Variants in CSMD3 observed in about 807,000 individuals in gnomAD.
CSMD3 encodes the protein CUB and sushi domain-containing protein 3.
In CSMD3, 177 loss-of-function variants were observed where a neutral mutation model predicts 435.2. The observed-to-expected ratio is 0.41, with a 90% CI of 0.36 to 0.46. The LOEUF is 0.46. CSMD3 is among the 20% of genes least tolerant of loss of function. The pLI, the probability that CSMD3 is intolerant of heterozygous loss-of-function variation, is 0.34. For synonymous variants in CSMD3, 1,656 were observed against 1,520.5 expected, an observed-to-expected ratio of 1.09 and a Z score of -2.07; for missense variants, 4,265 against 4,504.6, an observed-to-expected ratio of 0.95 and a Z score of 1.52.
chr8:112,328,344 A>T (rs1823709175), intron 45 of CSMD3, among the ~76,000 whole-genome samples: 1 of 152,202 alleles, frequency 6.6e-6, no homozygotes, highest in Admixed American at 6.5e-5. Flanking sequence ...AATTGAAGAG[A>T]AGAAAACAAT....
intron 39 of CSMD3, 101 bp downstream of exon 39, chr8:112,352,315 C>G (rs1026094539): frequency 5.7e-6 from 9 of 1,572,118 alleles, no homozygotes; most frequent in Non-Finnish European, 7.8e-6. Flanking sequence ...AGACACAAAC[C>G]AGGATCAATG....
chr8:113,042,182 T>C (rs930760846), intron 5 of CSMD3, among the ~76,000 whole-genome samples: 1 of 152,184 alleles, frequency 6.6e-6, no homozygotes, highest in African/African-American at 2.4e-5. Flanking sequence ...ACTTGTTGAG[T>C]TGCTGAAAAA....
At chr8:113,025,998 G>A (rs192060385) in intron 5 of CSMD3, among the ~76,000 whole-genome samples, 9 of 152,248 alleles carry the variant, frequency 5.9e-5, no homozygotes, top group African/African-American at 2.2e-4. Context: ...TACAGCTATG[G>A]GTCTGGTACC....
At chr8:112,473,224 C>T (rs777896278) in intron 31 of CSMD3, among the ~76,000 whole-genome samples, 1 of 151,982 alleles carries the variant, frequency 6.6e-6, no homozygotes, top group Admixed American at 6.6e-5. Context: ...GTTGATTGTG[C>T]CTTGAGGCAG....
At chr8:112,483,780 T>C (rs1279293403) in intron 31 of CSMD3, among the ~76,000 whole-genome samples, 1 of 152,188 alleles carries the variant, frequency 6.6e-6, no homozygotes, top group Non-Finnish European at 1.5e-5. Flanking sequence ...ACTTTCTTAG[T>C]AGTTTGCCAA....
chr8:113,070,915 C>A (rs916924858), intron 5 of CSMD3, among the ~76,000 whole-genome samples: 2 of 151,994 alleles, frequency 1.3e-5, no homozygotes, highest in Non-Finnish European at 2.9e-5. Flanking sequence ...CCATAAAGAG[C>A]ATACCAATTT....
chr8:113,069,977 C>T (rs1483247072), intron 5 of CSMD3, among the ~76,000 whole-genome samples: 1 of 152,082 alleles, frequency 6.6e-6, no homozygotes. Flanking sequence ...CTGAGAAACA[C>T]ACCTTTGTTT....
intron 13 of CSMD3, among the ~76,000 whole-genome samples, chr8:112,785,388 T>C (rs1009106270): frequency 6.6e-6 from 1 of 151,894 alleles, no homozygotes; most frequent in African/African-American, 2.4e-5. Context: ...TTATTCAACA[T>C]AGTACCAGAA....
chr8:112,273,437 T>C (rs1322781987), intron 59 of CSMD3, among the ~76,000 whole-genome samples: 1 of 152,028 alleles, frequency 6.6e-6, no homozygotes, highest in Non-Finnish European at 1.5e-5. Flanking sequence ...TGCAAGTAGT[T>C]TAAAATTGAG....
chr8:113,371,618 G>A (rs899196920), intron 1 of CSMD3, among the ~76,000 whole-genome samples: 8 of 152,106 alleles, frequency 5.3e-5, no homozygotes, highest in African/African-American at 1.9e-4. Context: ...CTTAATGTGA[G>A]TCAATAACAG....
chr8:112,489,788 T>A (rs1820505674), intron 31 of CSMD3, among the ~76,000 whole-genome samples: 1 of 152,158 alleles, frequency 6.6e-6, no homozygotes, highest in Non-Finnish European at 1.5e-5. Flanking sequence ...CATAAACTTA[T>A]CTTGAACTTC....
At chr8:113,024,944 T>C (rs1169052222) in intron 5 of CSMD3, among the ~76,000 whole-genome samples, 1 of 151,820 alleles carries the variant, frequency 6.6e-6, no homozygotes, top group Non-Finnish European at 1.5e-5. Context: ...TGTGTAAACA[T>C]TATTTAGCTC....
intron 6 of CSMD3, among the ~76,000 whole-genome samples, chr8:112,991,481 T>C (rs924617470): frequency 1.3e-5 from 2 of 151,846 alleles, no homozygotes; most frequent in East Asian, 3.9e-4. Flanking sequence ...TGAATTTTTC[T>C]TTCAGAAAGA....
At chr8:112,918,302 T>G (rs2130598521) in intron 10 of CSMD3, among the ~76,000 whole-genome samples, 1 of 151,970 alleles carries the variant, frequency 6.6e-6, no homozygotes, top group Non-Finnish European at 1.5e-5. Context: ...TTGTTTTTAG[T>G]ATTTTCCCAT....
chr8:113,086,744 T>A (rs144727692), intron 5 of CSMD3, among the ~76,000 whole-genome samples: 346 of 152,288 alleles, frequency 2.3e-3, no homozygotes, highest in African/African-American at 8.0e-3. Context: ...TGATATTTTA[T>A]TGGTTTTTCT....
rs529019378 is a variant in CSMD3, at chr8:112,958,451, G to GA, written c.1343-3691dup. Among the ~76,000 whole-genome samples, 508 of 152,228 alleles carry GA rather than the reference G, an allele frequency of 3.3e-3. 3 individuals are homozygous for GA. Among genetic ancestry groups the GA allele is most frequent in the African/African-American group, 0.011 (438 of 41,548 alleles). On this transcript the variant is annotated intron_variant, in intron 7 of 70. Coordinates refer to ENST00000297405, the MANE Select transcript of CSMD3 (RefSeq NM_198123.2). ...CCTCTTTATTTAGTTGTAAGCCCTG[G>GA]ACACTAGCAAAAGCACTTTGTTTTG...
At chr8:113,300,825 C>G (rs1253312526) in intron 2 of CSMD3, among the ~76,000 whole-genome samples, 1 of 151,988 alleles carries the variant, frequency 6.6e-6, no homozygotes. Flanking sequence ...CACATATATC[C>G]TCTGAATTCA....
chr8:113,080,508 AGGAG>A (rs1357299469), intron 5 of CSMD3, among the ~76,000 whole-genome samples: 4 of 152,170 alleles, frequency 2.6e-5, no homozygotes, highest in African/African-American at 9.6e-5. Flanking sequence ...TATCTAACAG[AGGAG>A]ATAGACAAAA....
At chr8:113,197,572 A>T (rs2092672318) in intron 3 of CSMD3, among the ~76,000 whole-genome samples, 1 of 151,242 alleles carries the variant, frequency 6.6e-6, no homozygotes, top group South Asian at 2.1e-4. Context: ...GTCCACTTAT[A>T]AAAGTAATGT....
Sources: allele counts gnomAD v4.1 joint callset (sites outside exome capture counted in the v4.1 genomes callset), GRCh38; gene constraint gnomAD v4.1.1; transcripts MANE v1.5; gene names NCBI Gene and HGNC (gene_info 2026-07-23, HGNC 2026-07-21).